NDE1: variants seen among roughly 807,000 people sequenced by gnomAD.
NDE1 encodes the protein nuclear distribution protein nudE homolog 1.
A neutral mutation model predicts 43.4 loss-of-function variants in NDE1; 28 were observed. The ratio of observed to expected loss-of-function variants is 0.65; its 90% CI spans 0.48 to 0.89. The LOEUF is 0.89. Ranked by LOEUF, NDE1 falls within the 40% of genes least tolerant of loss-of-function variation. The pLI is 0.00. For missense variants in NDE1, 441 were observed against 434.1 expected (o/e 1.02, Z -0.14); for synonymous variants, 184 against 172.0 (o/e 1.07, Z -0.55).
At chr16:15,714,882 G>A (rs757916188) in intron 8 of NDE1, 2 of 1,612,254 alleles carry the variant, frequency 1.2e-6, no homozygotes, top group South Asian at 2.2e-5. Flanking sequence ...TGAGAGACGG[G>A]GTCCTCCCGG....
chr16:15,681,249 C>T (rs1437520461), intron 4 of NDE1, among the ~76,000 whole-genome samples: 1 of 43,030 alleles, frequency 2.3e-5, no homozygotes, highest in East Asian at 5.7e-4. Flanking sequence ...CTGTTAAACA[C>T]TGCCTTTTTT....
intron 1 of NDE1, among the ~76,000 whole-genome samples, chr16:15,659,641 T>A (rs1462307730): frequency 6.6e-6 from 1 of 151,892 alleles, no homozygotes; most frequent in Non-Finnish European, 1.5e-5. Context: ...TTCAGTGTGT[T>A]GGCCAGGCTG....
At chr16:15,684,438 C>A (rs972914500) in intron 4 of NDE1, 6 of 151,600 alleles carry the variant, frequency 4.0e-5, no homozygotes, top group African/African-American at 1.5e-4. Context: ...ACTAAAAATA[C>A]AAAAATTAGC....
At chr16:15,673,534 C>T (rs2037708561) in intron 3 of NDE1, among the ~76,000 whole-genome samples, 1 of 151,566 alleles carries the variant, frequency 6.6e-6, no homozygotes, top group African/African-American at 2.4e-5. Flanking sequence ...CGCCATGTTG[C>T]CCCAGGCTGG....
At chr16:15,695,114 G>T (rs139142128) in intron 7 of NDE1, among the ~76,000 whole-genome samples, 87 of 151,878 alleles carry the variant, frequency 5.7e-4, no homozygotes, top group African/African-American at 1.9e-3. Flanking sequence ...CAGCCTGGGA[G>T]GTTGAGGCTG....
intron 8 of NDE1, among the ~76,000 whole-genome samples, chr16:15,710,187 T>G (rs2039699940): frequency 6.6e-6 from 1 of 152,172 alleles, no homozygotes; most frequent in Admixed American, 6.5e-5. Context: ...GGCTCAAGTG[T>G]CTGGGGCAGA....
rs1239039536 is a variant in NDE1, at chr16:15,664,819, A to C, written c.41A>C (p.Glu14Ala). 3.7e-6 allele frequency: 6 copies of C among 1,613,844 alleles called. No individual in the cohort carries two copies. The highest frequency in any genetic ancestry group is 5.1e-6 in the Non-Finnish European group (6 of 1,179,868). ...SGKTFSSEEEEANYWKDLAMT... is the reference protein window; with the variant it reads ...SGKTFSSEEEAANYWKDLAMT... ...AAGACTTTCAGCTCCGAGGAGGAAG[A>C]AGCTAACTATTGGAAAGATCTGGCG... Residue 14 changes from glutamate (E) to alanine (A), a missense_variant, in exon 2 of 9, where the codon GAA (glutamate) becomes GCA (alanine). By Grantham distance (107) the Glu-to-Ala change is moderately radical (BLOSUM62 -1). Transcript: ENST00000396354.
chr16:15,669,998 C>T (rs531689171), intron 3 of NDE1, among the ~76,000 whole-genome samples: 71 of 152,316 alleles, frequency 4.7e-4, no homozygotes, highest in Non-Finnish European at 9.3e-4. Flanking sequence ...CACCGTGCCC[C>T]AGAGACTGGC....
intron 8 of NDE1, chr16:15,719,734 G>T (rs777078617): frequency 6.2e-7 from 1 of 1,613,916 alleles, no homozygotes; most frequent in Admixed American, 1.7e-5. Context: ...CAACAGGGAG[G>T]ACAAGCTCAG....
chr16:15,719,235 C>G, intron 8 of NDE1: 1 of 1,613,744 alleles, frequency 6.2e-7, no homozygotes, highest in Non-Finnish European at 8.5e-7. Flanking sequence ...CGACAGGCTA[C>G]TGGCCAGCTC....
At chr16:15,650,729 T>G (rs1233743140) in intron 1 of NDE1, among the ~76,000 whole-genome samples, 1 of 152,028 alleles carries the variant, frequency 6.6e-6, no homozygotes, top group Non-Finnish European at 1.5e-5. Context: ...ACTCCTCTCC[T>G]AGATGACCCT....
Position 15,690,353 on chromosome 16 carries a change from C to CTTTTTTTTTTTTTTTT in NDE1, c.524-778_524-763dup, listed in dbSNP as rs869069843. Among the ~76,000 whole-genome samples the CTTTTTTTTTTTTTTTT allele has an allele frequency of 1.5e-3, 119 of 80,992 alleles. 2 individuals are homozygous for CTTTTTTTTTTTTTTTT. Among genetic ancestry groups the CTTTTTTTTTTTTTTTT allele is most frequent in the Admixed American group, 1.9e-3 (10 of 5,172 alleles). 53.1% of individuals were successfully genotyped at this position (80,992 alleles called of 152,430 possible). On this transcript the variant is annotated intron_variant, in intron 5 of 8. Transcript: ENST00000396354. ...GCAACTGGCCTTTTTTTTTTTTTTT[C>CTTTTTTTTTTTTTTTT]TTTTTTTTTTTTTTTTTTTTTTTTT...
At chr16:15,722,494 C>A (rs2040538558) in intron 8 of NDE1, among the ~76,000 whole-genome samples, 1 of 152,186 alleles carries the variant, frequency 6.6e-6, no homozygotes, top group East Asian at 1.9e-4. Flanking sequence ...CTAAATGGCA[C>A]AGTCAACACA....
chr16:15,698,377 G>A (rs1387942400), intron 8 of NDE1, among the ~76,000 whole-genome samples: 3 of 151,916 alleles, frequency 2.0e-5, no homozygotes, highest in Non-Finnish European at 4.4e-5. Flanking sequence ...CAGCCTGGGT[G>A]ATGAAGCGAG....
chr16:15,650,931 C>T (rs1216397086), intron 1 of NDE1, among the ~76,000 whole-genome samples: 1 of 152,182 alleles, frequency 6.6e-6, no homozygotes, highest in Non-Finnish European at 1.5e-5. Context: ...GCTTTGCTCC[C>T]GTCTCTGCCG....
intron 8 of NDE1, among the ~76,000 whole-genome samples, chr16:15,706,365 G>A (rs2039455802): frequency 6.6e-6 from 1 of 152,114 alleles, no homozygotes; most frequent in African/African-American, 2.4e-5. Flanking sequence ...TTCCCTGTAC[G>A]CTCCCCACAC....
At chr16:15,696,345 C>G (rs1057171045) in intron 7 of NDE1, among the ~76,000 whole-genome samples, 1 of 151,266 alleles carries the variant, frequency 6.6e-6, no homozygotes, top group African/African-American at 2.4e-5. Context: ...CAGTGCACTC[C>G]AGCCTGGGTG....
chr16:15,652,522 C>T (rs1164826313), intron 1 of NDE1, among the ~76,000 whole-genome samples: 1 of 152,282 alleles, frequency 6.6e-6, no homozygotes, highest in Non-Finnish European at 1.5e-5. Context: ...CAGCAGTGCC[C>T]AGCACTTAGT....
intron 8 of NDE1, among the ~76,000 whole-genome samples, chr16:15,698,409 G>A (rs2039105100): frequency 6.6e-6 from 1 of 152,138 alleles, no homozygotes; most frequent in Admixed American, 6.6e-5. Context: ...GAAAAAAAAG[G>A]GGCAGCTTTC....
Sources: allele counts gnomAD v4.1 joint callset (sites outside exome capture counted in the v4.1 genomes callset), GRCh38; gene constraint gnomAD v4.1.1; transcripts MANE v1.5; gene names NCBI Gene and HGNC (gene_info 2026-07-23, HGNC 2026-07-21).